SLC35F3: variants seen among roughly 807,000 people sequenced by gnomAD.
SLC35F3 encodes putative thiamine transporter SLC35F3.
A neutral mutation model predicts 49.9 loss-of-function variants in SLC35F3; 25 were observed. The observed-to-expected ratio is 0.50, with a 90% confidence interval of 0.37 to 0.70. The LOEUF (loss-of-function observed/expected upper bound fraction) is 0.70. Among genes scored for constraint, SLC35F3 ranks in the 30% least tolerant of loss-of-function variants. The pLI, the probability that SLC35F3 is intolerant of heterozygous loss-of-function variation, is 0.00. For missense variants in SLC35F3, 525 were observed against 639.8 expected (o/e 0.82, Z 1.94); for synonymous variants, 275 against 265.4 (o/e 1.04, Z -0.35).
chr1:233,962,767 C>T (rs762399405), intron 2 of SLC35F3, among the ~76,000 whole-genome samples: 1 of 152,192 alleles, frequency 6.6e-6, no homozygotes, highest in South Asian at 2.1e-4. Context: ...AGAATCTAAA[C>T]ATGACATTTT....
intron 3 of SLC35F3, among the ~76,000 whole-genome samples, chr1:234,291,193 C>G (rs928203604): frequency 6.6e-6 from 1 of 152,200 alleles, no homozygotes; most frequent in Non-Finnish European, 1.5e-5. Flanking sequence ...AAGCAACAGG[C>G]AATACCCGTC....
chr1:234,011,489 C>T (rs187743315), intron 2 of SLC35F3, among the ~76,000 whole-genome samples: 4 of 152,286 alleles, frequency 2.6e-5, no homozygotes, highest in Admixed American at 6.5e-5. Flanking sequence ...CCTATCCCAG[C>T]AGCCCAGGGC....
intron 2 of SLC35F3, among the ~76,000 whole-genome samples, chr1:234,002,878 T>A (rs571455645): frequency 6.6e-6 from 1 of 152,358 alleles, no homozygotes; most frequent in South Asian, 2.1e-4. Flanking sequence ...TATTTTATCC[T>A]TTGAGCTACA....
At chr1:234,249,671 A>C (rs1237585106) in intron 3 of SLC35F3, among the ~76,000 whole-genome samples, 1 of 152,190 alleles carries the variant, frequency 6.6e-6, no homozygotes, top group African/African-American at 2.4e-5. Context: ...CCCCAAAATT[A>C]TGTAGTCATC....
Position 233,959,527 on chromosome 1 carries a change from C to T in SLC35F3, c.283+53769C>T, listed in dbSNP as rs142157412. The stretch of plus-strand genomic sequence containing the variant: ...GAAAGATATAATTTTTTTTCAGTAA[C>T]AGTAGGTCACACCAGGAAACTAATG... On this transcript the variant is annotated intron_variant, in intron 2 of 7. Coordinates refer to ENST00000366618, the MANE Select transcript of SLC35F3 (RefSeq NM_173508.4). Among the ~76,000 whole-genome samples the T allele has an allele frequency of 8.6e-3, 1,311 of 152,152 alleles. 5 individuals carry two copies. The highest frequency in any genetic ancestry group is 0.017 in the Admixed American group (260 of 15,284).
At chr1:234,077,159 C>A (rs570079852) in intron 2 of SLC35F3, among the ~76,000 whole-genome samples, 11 of 151,468 alleles carry the variant, frequency 7.3e-5, no homozygotes, top group Admixed American at 2.6e-4. Context: ...CGCCCGCCAC[C>A]GCGCCCGGCT....
intron 2 of SLC35F3, among the ~76,000 whole-genome samples, chr1:234,154,894 T>C (rs769453006): frequency 6.6e-5 from 10 of 152,148 alleles, no homozygotes; most frequent in Admixed American, 3.3e-4. Context: ...AGCAAGTATG[T>C]AAATCATCCA....
chr1:234,322,987 T>A (rs771314878), intron 7 of SLC35F3, 21 bp from the exon 8 acceptor site: 4 of 1,608,500 alleles, frequency 2.5e-6, no homozygotes, highest in Non-Finnish European at 3.4e-6. Flanking sequence ...CTGAGAAACC[T>A]CCATGCTCTG....
chr1:234,019,890 A>G (rs886734638), intron 2 of SLC35F3, among the ~76,000 whole-genome samples: 1 of 152,194 alleles, frequency 6.6e-6, no homozygotes. Context: ...TTAACATTAC[A>G]AATGTGAAAT....
chr1:233,933,321 T>C (rs886864725), intron 2 of SLC35F3, among the ~76,000 whole-genome samples: 1 of 152,146 alleles, frequency 6.6e-6, no homozygotes, highest in Non-Finnish European at 1.5e-5. Flanking sequence ...TGTATACCGT[T>C]ATTTTTTTTT....
At chr1:234,023,186 A>G (rs1199341872) in intron 2 of SLC35F3, among the ~76,000 whole-genome samples, 6 of 152,220 alleles carry the variant, frequency 3.9e-5, no homozygotes, top group Admixed American at 2.6e-4. Context: ...GGGCACACCC[A>G]TTGCCATCTT....
chr1:234,039,771 G>A (rs1177837238), intron 2 of SLC35F3, among the ~76,000 whole-genome samples: 1 of 152,152 alleles, frequency 6.6e-6, no homozygotes, highest in Non-Finnish European at 1.5e-5. Context: ...GGAACCAGCC[G>A]GCCGCTTTGC....
chr1:233,964,411 A>G (rs1435098824), intron 2 of SLC35F3, among the ~76,000 whole-genome samples: 1 of 152,136 alleles, frequency 6.6e-6, no homozygotes, highest in African/African-American at 2.4e-5. Context: ...ACCTACAGAT[A>G]CTCAACTGGA....
chr1:234,174,471 C>T (rs140851844), intron 2 of SLC35F3, among the ~76,000 whole-genome samples: 1 of 152,310 alleles, frequency 6.6e-6, no homozygotes, highest in East Asian at 1.9e-4. Context: ...TATGCTTATG[C>T]GTCACAGACA....
At chr1:234,049,928 GT>G (rs1664350063) in intron 2 of SLC35F3, among the ~76,000 whole-genome samples, 1 of 151,924 alleles carries the variant, frequency 6.6e-6, no homozygotes, top group African/African-American at 2.4e-5. Context: ...GAGAATGATG[GT>G]TTCCAGCTTC....
chr1:233,930,901 G>C (rs1170537954), intron 2 of SLC35F3, among the ~76,000 whole-genome samples: 1 of 151,826 alleles, frequency 6.6e-6, no homozygotes, highest in Admixed American at 6.6e-5. Flanking sequence ...GAAAATAAGG[G>C]GCTGGTCAAA....
intron 2 of SLC35F3, among the ~76,000 whole-genome samples, chr1:234,191,601 G>A: frequency 6.6e-6 from 1 of 150,694 alleles, no homozygotes; most frequent in African/African-American, 2.5e-5. Context: ...CCAGATCAGA[G>A]AAGAACTAAA....
intron 3 of SLC35F3, among the ~76,000 whole-genome samples, chr1:234,268,340 A>G (rs1412949358): frequency 3.9e-5 from 3 of 77,658 alleles, no homozygotes; most frequent in Non-Finnish European, 5.5e-5. Flanking sequence ...CTGCAATCGC[A>G]CGCACTCGGC....
At chr1:234,009,199 A>G (rs1416268626) in intron 2 of SLC35F3, among the ~76,000 whole-genome samples, 1 of 152,264 alleles carries the variant, frequency 6.6e-6, no homozygotes, top group Non-Finnish European at 1.5e-5. Context: ...TAATTTAAGC[A>G]GAAAATGAAT....
Sources: gnomAD v4.1 joint callset for allele counts (sites outside exome capture counted in the v4.1 genomes callset) on GRCh38, gnomAD v4.1.1 for gene constraint, MANE v1.5 for transcripts, NCBI Gene and HGNC (gene_info 2026-07-23, HGNC 2026-07-21) for gene names.